GPALPP1: variants seen among roughly 807,000 people sequenced by gnomAD.
GPALPP1 encodes GPALPP motifs-containing protein 1.
A neutral mutation model predicts 38.9 loss-of-function variants in GPALPP1; 30 were observed. That is an observed-to-expected ratio of 0.77 (90% CI 0.58 to 1.05). The LOEUF is 1.05. Among genes scored for constraint, GPALPP1 ranks in the 50% least tolerant of loss-of-function variants. The pLI is 0.00. For missense variants in GPALPP1, 384 were observed against 408.8 expected (o/e 0.94, Z 0.52); for synonymous variants, 120 against 139.2 (o/e 0.86, Z 0.97).
chr13:44,991,458 GA>G (rs1816677976), intron 1 of GPALPP1, among the ~76,000 whole-genome samples: 2 of 151,338 alleles, frequency 1.3e-5, no homozygotes, highest in African/African-American at 4.9e-5. Context: ...AAAAAAAAAA[GA>G]AAAAGATTCT....
In GPALPP1 at chr13:44,990,578, A is replaced by G. The variant is rs192990055; in HGVS notation, c.88+836A>G. Among the ~76,000 whole-genome samples the G allele has an allele frequency of 2.8e-3, 421 of 152,272 alleles. 2 individuals are homozygous for G. Among genetic ancestry groups the G allele is most frequent in the Non-Finnish European group, 3.1e-3 (211 of 68,010 alleles). On this transcript the variant is annotated intron_variant, in intron 1 of 7. Coordinates refer to ENST00000379151, the MANE Select transcript of GPALPP1 (RefSeq NM_018559.5). ...AACACGCAACAGGCACTTGGTATAT[A>G]CGAAACGAATGCTTCTCGGATTCCG...
chr13:45,022,449 T>C (rs888876148), intron 7 of GPALPP1, among the ~76,000 whole-genome samples: 3 of 151,974 alleles, frequency 2.0e-5, no homozygotes, highest in African/African-American at 7.2e-5. Flanking sequence ...AAAAAACAAA[T>C]ATTGAACTCA....
intron 3 of GPALPP1, among the ~76,000 whole-genome samples, chr13:45,006,505 C>CA (rs1323874025): frequency 2.6e-5 from 4 of 152,116 alleles, no homozygotes; most frequent in Non-Finnish European, 4.4e-5. Flanking sequence ...TCATAGTTTA[C>CA]AAAAAACTTC....
exon 8 of GPALPP1, chr13:45,037,056 C>T (rs985342898): frequency 7.9e-5 from 12 of 152,158 alleles, no homozygotes; most frequent in Admixed American, 2.0e-4. Context: ...AGACAAATTT[C>T]GAGAACCTAT....
intron 7 of GPALPP1, among the ~76,000 whole-genome samples, chr13:45,026,155 C>T (rs997493643): frequency 6.6e-6 from 1 of 152,170 alleles, no homozygotes; most frequent in East Asian, 1.9e-4. Context: ...TTGGAAAGCA[C>T]TTGATTTGCT....
At chr13:45,006,159 A>T in intron 2 of GPALPP1, 43 bp from the exon 3 acceptor site, 1 of 1,155,834 alleles carries the variant, frequency 8.7e-7, no homozygotes, top group Non-Finnish European at 1.3e-6. Context: ...TTGTGAAAAA[A>T]ATTTTGACAT....
At chr13:45,020,134 G>A (rs1462362737) in intron 6 of GPALPP1, among the ~76,000 whole-genome samples, 196 bp from the exon 7 acceptor site, 1 of 152,024 alleles carries the variant, frequency 6.6e-6, no homozygotes, top group African/African-American at 2.4e-5. Flanking sequence ...ACCCGCCTTG[G>A]CCTCCCAAAG....
intron 7 of GPALPP1, among the ~76,000 whole-genome samples, chr13:45,023,308 A>G (rs1875555545): frequency 1.3e-5 from 2 of 151,442 alleles, no homozygotes; most frequent in East Asian, 1.9e-4. Context: ...GACCAACAGT[A>G]GTACACCTGA....
Position 44,989,687 on chromosome 13 carries a change from G to T in GPALPP1, c.33G>T (p.Pro11=), listed in dbSNP as rs1386280956. 8 of 1,612,154 alleles carry T rather than the reference G, an allele frequency of 5.0e-6. No individual in the cohort carries two copies. The South Asian group carries it at 6.6e-5, about 13-fold the overall frequency. The part of the protein sequence containing the change: MARDLIGPAL[P]PGFKARGTAE... ...GAGACCTGATCGGACCGGCCCTGCC[G>T]CCCGGCTTCAAGGCCCGCGGAACAG... is the stretch of plus-strand genomic sequence containing the variant. The change falls in exon 1 of 8, where the codon CCG becomes CCT. Residue 11 remains proline (P), a synonymous_variant. Coordinates refer to ENST00000379151, the MANE Select transcript of GPALPP1 (RefSeq NM_018559.5).
At chr13:45,024,170 T>TGC (rs1875630483) in intron 7 of GPALPP1, among the ~76,000 whole-genome samples, 2 of 128,030 alleles carry the variant, frequency 1.6e-5, no homozygotes, top group South Asian at 2.7e-4. Context: ...TGTGTGTGTG[T>TGC]GTGTGTGTGT....
intron 1 of GPALPP1, among the ~76,000 whole-genome samples, chr13:44,997,682 T>C (rs986977561): frequency 2.6e-5 from 4 of 152,164 alleles, no homozygotes; most frequent in Non-Finnish European, 4.4e-5. Flanking sequence ...GAGCCTTCCA[T>C]CCCTAAGTAC....
At chr13:44,995,169 A>AACACACACAC (rs371911111) in intron 1 of GPALPP1, among the ~76,000 whole-genome samples, 43,976 of 128,318 alleles carry the variant, frequency 0.34, 8,687 homozygotes, top group Non-Finnish European at 0.43. Flanking sequence ...CCTATCTTTA[A>AACACACACAC]ACACACACAC....
chr13:45,000,088 C>G (rs114931434), intron 1 of GPALPP1, among the ~76,000 whole-genome samples: 30 of 151,976 alleles, frequency 2.0e-4, no homozygotes, highest in African/African-American at 7.2e-4. Flanking sequence ...AAATGTATAT[C>G]TCGTTTGTTT....
intron 4 of GPALPP1, among the ~76,000 whole-genome samples, chr13:45,013,578 T>G (rs1874627888): frequency 6.6e-6 from 1 of 152,200 alleles, no homozygotes; most frequent in African/African-American, 2.4e-5. Flanking sequence ...TGGACTAGAA[T>G]TACCAATATT....
chr13:44,991,370 C>G (rs935420499), intron 1 of GPALPP1, among the ~76,000 whole-genome samples: 2 of 151,892 alleles, frequency 1.3e-5, no homozygotes, highest in African/African-American at 4.8e-5. Context: ...TTGCTTGAAC[C>G]TGGGAGGCGG....
intron 7 of GPALPP1, among the ~76,000 whole-genome samples, chr13:45,023,786 T>C (rs1436692175): frequency 1.3e-5 from 2 of 152,200 alleles, no homozygotes; most frequent in African/African-American, 4.8e-5. Context: ...AGGAGAAATA[T>C]GGAGAAATGG....
chr13:44,990,289 G>C (rs1399219016), intron 1 of GPALPP1: 2 of 207,454 alleles, frequency 9.6e-6, no homozygotes, highest in Non-Finnish European at 1.9e-5. Flanking sequence ...TCCAGTCTGA[G>C]TTGCTGCGCA....
intron 4 of GPALPP1, among the ~76,000 whole-genome samples, chr13:45,010,927 G>C (rs1874425833): frequency 6.6e-6 from 1 of 152,156 alleles, no homozygotes; most frequent in Admixed American, 6.5e-5. Context: ...AGGTTGCAGT[G>C]AGCTGAGATC....
chr13:45,022,822 G>A lies in GPALPP1; in HGVS notation c.804+2394G>A, dbSNP rs978616214. Among the ~76,000 whole-genome samples the A allele has an allele frequency of 2.6e-5, 4 of 152,126 alleles. No individual in the cohort carries two copies. The East Asian group carries it at 5.8e-4, about 22-fold the overall frequency. On this transcript the variant is annotated intron_variant, in intron 7 of 7. Coordinates refer to ENST00000379151, the MANE Select transcript of GPALPP1 (RefSeq NM_018559.5). ...GACTGAGACGGGAGGATCTTCTGAG[G>A]CCAAGAGATAGAGACCAGCCTGGGT...
Sources: allele counts gnomAD v4.1 joint callset (sites outside exome capture counted in the v4.1 genomes callset), GRCh38; gene constraint gnomAD v4.1.1; transcripts MANE v1.5; gene names NCBI Gene and HGNC (gene_info 2026-07-23, HGNC 2026-07-21).